TMEM117: variants seen among roughly 807,000 people sequenced by gnomAD.
TMEM117 encodes transmembrane protein 117.
In TMEM117, 27 loss-of-function variants were observed where a neutral mutation model predicts 52.4. The observed-to-expected ratio is 0.51, with a 90% CI of 0.38 to 0.71. The LOEUF (loss-of-function observed/expected upper bound fraction) is 0.71, where lower values mean the gene tolerates loss of function less well. Ranked by LOEUF, TMEM117 falls within the 30% of genes least tolerant of loss-of-function variation. The pLI, the probability that TMEM117 is intolerant of heterozygous loss-of-function variation, is 0.00. For synonymous variants in TMEM117, 215 were observed against 206.3 expected (o/e 1.04, Z -0.36); for missense variants, 556 against 630.5 (o/e 0.88, Z 1.26).
intron 2 of TMEM117, among the ~76,000 whole-genome samples, chr12:43,860,444 A>G (rs1307854169): frequency 6.6e-6 from 1 of 152,184 alleles, no homozygotes; most frequent in African/African-American, 2.4e-5. Context: ...ATCATTATAT[A>G]TTATATCAGA....
At chr12:44,071,880 G>A (rs142261995) in intron 3 of TMEM117, among the ~76,000 whole-genome samples, 15 of 152,300 alleles carry the variant, frequency 9.8e-5, no homozygotes, top group East Asian at 5.8e-4. Context: ...TCTAGGCTCC[G>A]ATCCGGAGGT....
At chr12:44,336,053 A>G (rs1951336665) in intron 6 of TMEM117, among the ~76,000 whole-genome samples, 1 of 152,094 alleles carries the variant, frequency 6.6e-6, no homozygotes, top group East Asian at 1.9e-4. Context: ...TTTTAATTTC[A>G]TGAGTGCAGC....
At chr12:44,143,206 A>G (rs761244217) in intron 3 of TMEM117, among the ~76,000 whole-genome samples, 1 of 152,172 alleles carries the variant, frequency 6.6e-6, no homozygotes, top group African/African-American at 2.4e-5. Context: ...CTCTGCTCAT[A>G]CTTGAGTGAG....
chr12:43,975,705 C>T (rs946526447), intron 3 of TMEM117, among the ~76,000 whole-genome samples: 4 of 152,210 alleles, frequency 2.6e-5, no homozygotes, highest in Non-Finnish European at 4.4e-5. Flanking sequence ...AATACATTCT[C>T]TTCTGTTTAA....
At chr12:44,208,037 A>G (rs1949593020) in intron 4 of TMEM117, among the ~76,000 whole-genome samples, 1 of 152,146 alleles carries the variant, frequency 6.6e-6, no homozygotes, top group South Asian at 2.1e-4. Context: ...GCTGTATAGC[A>G]AATGTGAAGT....
At chr12:43,814,105 T>C in the TMEM117 span, among the ~76,000 whole-genome samples, 1 of 152,162 alleles carries the variant, frequency 6.6e-6, no homozygotes, top group East Asian at 1.9e-4. Context: ...GGAATATGTT[T>C]GAAATTATAT....
At chr12:44,355,520 T>A (rs138669038) in intron 6 of TMEM117, among the ~76,000 whole-genome samples, 1 of 152,154 alleles carries the variant, frequency 6.6e-6, no homozygotes, top group East Asian at 1.9e-4. Context: ...CATGACGGAC[T>A]GAAGAGTCTT....
intron 3 of TMEM117, among the ~76,000 whole-genome samples, chr12:44,094,392 G>A (rs1475457672): frequency 2.0e-5 from 3 of 152,050 alleles, no homozygotes; most frequent in South Asian, 2.1e-4. Context: ...CTAGCCCCTT[G>A]GAAATGTTTT....
At chr12:43,819,119 G>C in the TMEM117 span, among the ~76,000 whole-genome samples, 3 of 152,160 alleles carry the variant, frequency 2.0e-5, no homozygotes, top group African/African-American at 7.2e-5. Flanking sequence ...CATGGCGGAG[G>C]GGAGGAGGGG....
chr12:44,295,856 G>C (rs1315449010), intron 5 of TMEM117, among the ~76,000 whole-genome samples: 1 of 152,002 alleles, frequency 6.6e-6, no homozygotes, highest in Non-Finnish European at 1.5e-5. Context: ...TGTTACTGGT[G>C]CTTATTAGTT....
chr12:44,183,869 A>C (rs1269554209), intron 4 of TMEM117, among the ~76,000 whole-genome samples: 1 of 152,102 alleles, frequency 6.6e-6, no homozygotes, highest in African/African-American at 2.4e-5. Flanking sequence ...CTTCCCTCAC[A>C]TTTCACACGC....
intron 3 of TMEM117, among the ~76,000 whole-genome samples, chr12:44,006,501 A>G (rs1266240753): frequency 6.6e-6 from 1 of 152,180 alleles, no homozygotes; most frequent in Non-Finnish European, 1.5e-5. Flanking sequence ...TGCAGATTGA[A>G]TGATAGCTTT....
chr12:43,851,243 T>G (rs1258686883), intron 2 of TMEM117, among the ~76,000 whole-genome samples: 1 of 152,198 alleles, frequency 6.6e-6, no homozygotes, highest in East Asian at 1.9e-4. Flanking sequence ...TCATTGGTTA[T>G]AAATTTAATT....
chr12:44,145,753 C>T (rs1948634050), intron 4 of TMEM117, among the ~76,000 whole-genome samples: 1 of 152,168 alleles, frequency 6.6e-6, no homozygotes, highest in Admixed American at 6.5e-5. Flanking sequence ...GCCAATGATG[C>T]AGGAGGCTAA....
At chr12:44,259,639 T>C (rs1436677724) in intron 5 of TMEM117, among the ~76,000 whole-genome samples, 1 of 152,194 alleles carries the variant, frequency 6.6e-6, no homozygotes, top group Non-Finnish European at 1.5e-5. Flanking sequence ...TAGTAAGTGA[T>C]GGCATTCACT....
intron 2 of TMEM117, among the ~76,000 whole-genome samples, chr12:43,937,936 C>T (rs904213991): frequency 1.3e-5 from 2 of 151,918 alleles, no homozygotes; most frequent in Non-Finnish European, 2.9e-5. Flanking sequence ...TTTAGGCTCC[C>T]GTGTAATAGA....
chr12:44,173,611 C>G (rs1428332399), intron 4 of TMEM117, among the ~76,000 whole-genome samples: 1 of 140,562 alleles, frequency 7.1e-6, no homozygotes, highest in Non-Finnish European at 1.5e-5. Context: ...ACACTAGAAC[C>G]TTTCTTATTA....
intron 4 of TMEM117, among the ~76,000 whole-genome samples, chr12:44,201,373 C>A (rs1032059483): frequency 6.6e-6 from 1 of 152,046 alleles, no homozygotes; most frequent in Admixed American, 6.6e-5. Flanking sequence ...CAGAGAAAAC[C>A]AGCATATACA....
chr12:44,110,219 C>G (rs1282032371), intron 3 of TMEM117, among the ~76,000 whole-genome samples: 2 of 147,712 alleles, frequency 1.4e-5, no homozygotes, highest in Non-Finnish European at 3.0e-5. Context: ...TGCCTGATTG[C>G]CCTGGCCAGA....
Sources: allele counts gnomAD v4.1 joint callset (sites outside exome capture counted in the v4.1 genomes callset), GRCh38; gene constraint gnomAD v4.1.1; transcripts MANE v1.5; gene names NCBI Gene and HGNC (gene_info 2026-07-23, HGNC 2026-07-21).